BAIAP2: variants seen among roughly 807,000 people sequenced by gnomAD.
BAIAP2 encodes BAR/IMD domain containing adaptor protein 2.
A neutral mutation model predicts 63.0 loss-of-function variants in BAIAP2; 18 were observed. That is an observed-to-expected ratio of 0.29 (90% CI 0.20 to 0.42). The LOEUF (loss-of-function observed/expected upper bound fraction) is 0.42, where lower values mean the gene tolerates loss of function less well. Among genes scored for constraint, BAIAP2 ranks in the 10% least tolerant of loss-of-function variants. The pLI is 1.00. For synonymous variants in BAIAP2, 386 were observed against 307.6 expected (o/e 1.25, Z -2.67); for missense variants, 610 against 734.3 (o/e 0.83, Z 1.96).
At chr17:81,114,615 C>G (rs543506939) in intron 13 of BAIAP2, among the ~76,000 whole-genome samples, 1 of 152,234 alleles carries the variant, frequency 6.6e-6, no homozygotes, top group Non-Finnish European at 1.5e-5. Context: ...ACCTGTCAGT[C>G]TCTTCCACGT....
intron 3 of BAIAP2, among the ~76,000 whole-genome samples, chr17:81,070,583 G>A (rs948156110): frequency 5.3e-5 from 8 of 152,322 alleles, no homozygotes; most frequent in Middle Eastern, 3.4e-3. Flanking sequence ...GGCAGGAGAA[G>A]GCCCTGGCGT....
intron 1 of BAIAP2, among the ~76,000 whole-genome samples, chr17:81,048,915 G>A (rs959125585): frequency 2.6e-5 from 4 of 152,238 alleles, no homozygotes; most frequent in African/African-American, 9.6e-5. Flanking sequence ...TGCGTCCTAT[G>A]AGGGGAAGCC....
intron 2 of BAIAP2, chr17:81,057,531 GTTCT>G: frequency 1.5e-6 from 1 of 654,070 alleles, no homozygotes. Flanking sequence ...CCCAGGGTTG[GTTCT>G]TTGTCTCATG....
chr17:81,068,858 G>A (rs950318535), intron 3 of BAIAP2, among the ~76,000 whole-genome samples: 2 of 152,214 alleles, frequency 1.3e-5, no homozygotes, highest in Non-Finnish European at 2.9e-5. Flanking sequence ...GGAGGTGCCA[G>A]TGGGTTCCCT....
chr17:81,114,806 C>T (rs747283852), intron 13 of BAIAP2, among the ~76,000 whole-genome samples: 6 of 152,186 alleles, frequency 3.9e-5, no homozygotes, highest in Non-Finnish European at 7.3e-5. Context: ...GGTAGCTGGA[C>T]GGAGTCTGCC....
At chr17:81,072,263 A>T (rs940582583) in intron 3 of BAIAP2, among the ~76,000 whole-genome samples, 1 of 152,190 alleles carries the variant, frequency 6.6e-6, no homozygotes, top group South Asian at 2.1e-4. Context: ...GCCCCACCTC[A>T]GTCCACAACA....
At chr17:81,044,358 C>T (rs533199006) in intron 1 of BAIAP2, among the ~76,000 whole-genome samples, 2 of 152,344 alleles carry the variant, frequency 1.3e-5, no homozygotes, top group African/African-American at 2.4e-5. Flanking sequence ...GGCCTTTCCA[C>T]GTTGGAGGGG....
intron 3 of BAIAP2, among the ~76,000 whole-genome samples, chr17:81,069,929 T>C (rs2052276292): frequency 6.6e-6 from 1 of 151,946 alleles, no homozygotes; most frequent in Non-Finnish European, 1.5e-5. Flanking sequence ...ATTGGAGGGT[T>C]TTTTGTTTTC....
intron 2 of BAIAP2, 95 bp from the exon 3 acceptor site, chr17:81,057,786 G>T: frequency 6.7e-7 from 1 of 1,496,948 alleles, no homozygotes; most frequent in Non-Finnish European, 9.0e-7. Context: ...AGGAGACAGG[G>T]TTGGGCCTGT....
intron 2 of BAIAP2, among the ~76,000 whole-genome samples, chr17:81,054,691 G>A (rs1318870983): frequency 6.6e-6 from 1 of 152,162 alleles, no homozygotes; most frequent in East Asian, 1.9e-4. Context: ...ACAAAGAGCC[G>A]GGACAGAGGG....
rs60972273 is a variant in BAIAP2 at position 81,057,973 on chromosome 17, A to AC, written c.217+22dup. Reference sequence around the variant, plus strand: ...CCAGGGCTCCAAAGAACTCGGTGAGACCCCCCCCCCCCCCCCGCCTGGTAG... The same window carrying AC: ...CCAGGGCTCCAAAGAACTCGGTGAGACCCCCCCCCCCCCCCCCGCCTGGTAG... On this transcript the variant is annotated splice_region_variant and intron_variant, in intron 3 of 13. Coordinates refer to ENST00000428708, the MANE Select transcript of BAIAP2 (RefSeq NM_001144888.2). The AC allele has an allele frequency of 4.4e-4, 334 of 765,622 alleles. No homozygotes were observed. The highest frequency in any genetic ancestry group is 1.3e-3 in the African/African-American group (29 of 22,732). 47.4% of individuals were successfully genotyped at this position (765,622 alleles called of 1,614,324 possible). A position where few individuals can be genotyped will look rare whatever the true frequency, so the allele number is the denominator to read the frequency against.
Position 81,116,581 on chromosome 17 carries a change from C to T in BAIAP2, c.*742C>T. On this transcript the variant is annotated 3_prime_UTR_variant, in exon 14 of 14. Transcript: ENST00000428708. ...GCTATGCGGGGTCACCAGCAGAGTG[C>T]CCGCTGGCAGGTGGGGGCTTCCCCG... is the stretch of plus-strand genomic sequence containing the variant. 2.1e-6 allele frequency: 1 copy of T among 483,022 alleles called. No homozygotes were observed. Among genetic ancestry groups the T allele is most frequent in the South Asian group, 2.7e-5 (1 of 37,054 alleles). 29.9% of individuals were successfully genotyped at this position (483,022 alleles called of 1,614,324 possible).
At chr17:81,087,875 T>C (rs1448261854) in intron 6 of BAIAP2, 1 of 152,048 alleles carries the variant, frequency 6.6e-6, no homozygotes, top group African/African-American at 2.4e-5. Flanking sequence ...TTTTGATCCT[T>C]TCCGTTTTGC....
chr17:81,043,162 C>T (rs554332453), intron 1 of BAIAP2, among the ~76,000 whole-genome samples: 6 of 152,298 alleles, frequency 3.9e-5, no homozygotes, highest in African/African-American at 9.6e-5. Context: ...CCACTGCATC[C>T]GGTCTAGGTG....
At chr17:81,059,895 G>A (rs1598576926) in intron 3 of BAIAP2, among the ~76,000 whole-genome samples, 1 of 151,902 alleles carries the variant, frequency 6.6e-6, no homozygotes, top group South Asian at 2.1e-4. Context: ...GGGTGGGTCC[G>A]AAATGGGTGG....
At chr17:81,112,452 T>C (rs941328131) in intron 13 of BAIAP2, among the ~76,000 whole-genome samples, 4 of 152,182 alleles carry the variant, frequency 2.6e-5, no homozygotes, top group Admixed American at 2.6e-4. Flanking sequence ...GACTCCCCAA[T>C]CCCATTGCCA....
At chr17:81,045,930 C>T (rs2047737548) in intron 1 of BAIAP2, among the ~76,000 whole-genome samples, 1 of 152,176 alleles carries the variant, frequency 6.6e-6, no homozygotes. Context: ...TGGCCTCTTC[C>T]TGCCTCCAGA....
At chr17:81,103,826 A>G (rs2058800082) in intron 8 of BAIAP2, 81 bp from the exon 9 acceptor site, 2 of 1,591,102 alleles carry the variant, frequency 1.3e-6, no homozygotes, top group African/African-American at 1.3e-5. Flanking sequence ...GCCCCTGCTG[A>G]GGGGGCGGAG....
At chr17:81,052,736 A>T (rs1480645278) in intron 1 of BAIAP2, among the ~76,000 whole-genome samples, 1 of 150,124 alleles carries the variant, frequency 6.7e-6, no homozygotes, top group African/African-American at 2.4e-5. Context: ...GGGGTGGGGG[A>T]TGCAGTTGCC....
Sources: allele counts gnomAD v4.1 joint callset (sites outside exome capture counted in the v4.1 genomes callset), GRCh38; gene constraint gnomAD v4.1.1; transcripts MANE v1.5; gene names NCBI Gene and HGNC (gene_info 2026-07-23, HGNC 2026-07-21).